Variants in BTG4 observed in about 807,000 individuals in gnomAD.
The protein encoded by BTG4 is protein BTG4.
A neutral mutation model predicts 19.3 loss-of-function variants in BTG4; 10 were observed. The observed-to-expected ratio is 0.52, with a 90% CI of 0.32 to 0.88. The LOEUF (loss-of-function observed/expected upper bound fraction) is 0.88. Ranked by LOEUF, BTG4 falls within the 40% of genes least tolerant of loss-of-function variation. The pLI is 0.04. For missense variants in BTG4, 238 were observed against 281.9 expected (o/e 0.84, Z 1.11); for synonymous variants, 91 against 95.7 (o/e 0.95, Z 0.29).
At chr11:111,435,797 C>T in the BTG4 span, among the ~76,000 whole-genome samples, 3 of 152,160 alleles carry the variant, frequency 2.0e-5, no homozygotes, top group Admixed American at 6.5e-5. Flanking sequence ...TGCAATCAAA[C>T]ACAACTCCAC....
intron 1 of BTG4, among the ~76,000 whole-genome samples, chr11:111,509,789 C>G (rs1866730164): frequency 6.6e-6 from 1 of 151,922 alleles, no homozygotes; most frequent in Non-Finnish European, 1.5e-5. Flanking sequence ...TCTAATTCTT[C>G]ATTTCTTCCT....
chr11:111,439,117 A>G, the BTG4 span, among the ~76,000 whole-genome samples: 3 of 152,216 alleles, frequency 2.0e-5, no homozygotes, highest in Non-Finnish European at 2.9e-5. Flanking sequence ...GGTGATTTGC[A>G]TATAATCACA....
At chr11:111,486,252 C>A (rs1337733737) in intron 5 of BTG4, among the ~76,000 whole-genome samples, 1 of 152,116 alleles carries the variant, frequency 6.6e-6, no homozygotes, top group East Asian at 1.9e-4. Context: ...GCCTGGGCAA[C>A]ATGGTGAAAC....
chr11:111,487,000 T>C (rs1025778271), intron 5 of BTG4, among the ~76,000 whole-genome samples: 5 of 150,654 alleles, frequency 3.3e-5, no homozygotes, highest in African/African-American at 1.2e-4. Flanking sequence ...CAGGCCCCAG[T>C]GTATGTTGTT....
chr11:111,388,132 C>T, the BTG4 span, among the ~76,000 whole-genome samples: 5 of 152,098 alleles, frequency 3.3e-5, no homozygotes. Flanking sequence ...TATGAAAAAC[C>T]TGATATATTT....
At chr11:111,448,736 C>T in the BTG4 span, 1 of 151,428 alleles carries the variant, frequency 6.6e-6, no homozygotes, top group East Asian at 1.9e-4. Context: ...TCAAGTCAAA[C>T]TCGGCTCAGG....
At chr11:111,510,803 A>G (rs1218845828) in intron 1 of BTG4, among the ~76,000 whole-genome samples, 1 of 152,240 alleles carries the variant, frequency 6.6e-6, no homozygotes, top group Non-Finnish European at 1.5e-5. Flanking sequence ...TTTGAAGAAA[A>G]GTCTGTAGAA....
chr11:111,434,483 A>C, the BTG4 span, among the ~76,000 whole-genome samples: 18 of 152,172 alleles, frequency 1.2e-4, no homozygotes, highest in Non-Finnish European at 2.6e-4. Context: ...CCAACATGGC[A>C]CATGTATACC....
the BTG4 span, among the ~76,000 whole-genome samples, chr11:111,395,571 G>A: frequency 6.6e-6 from 1 of 152,248 alleles, no homozygotes. Context: ...TTATGAAAAG[G>A]CTGTTCAAAT....
the BTG4 span, chr11:111,455,000 G>A: frequency 3.5e-5 from 16 of 456,366 alleles, no homozygotes; most frequent in Admixed American, 7.0e-5. Context: ...GGTGAAGCCC[G>A]TTCTCTCCAG....
rs1156590393 is a variant in BTG4 at position 111,470,793 on chromosome 11, C to T, written c.663-3112G>A. ...AATAAATTAGCCGGGCATGGTGGCA[C>T]ATACCTGTAGTCCCAGCTATTCAGG... On this transcript the variant is annotated intron_variant, in intron 5 of 5. Transcript: ENST00000356018. Among the ~76,000 whole-genome samples the T allele has an allele frequency of 2.0e-5, 3 of 151,952 alleles. No individual in the cohort carries two copies. In the East Asian group the frequency reaches 5.8e-4, roughly 29 times the overall value.
At chr11:111,495,493 C>T (rs1011143826) in intron 4 of BTG4, among the ~76,000 whole-genome samples, 179 bp from the exon 5 acceptor site, 2 of 152,154 alleles carry the variant, frequency 1.3e-5, no homozygotes, top group African/African-American at 2.4e-5. Context: ...TCACTTTATA[C>T]TGTACCTTTT....
the BTG4 span, among the ~76,000 whole-genome samples, chr11:111,414,051 C>A: frequency 6.6e-6 from 1 of 152,168 alleles, no homozygotes; most frequent in Non-Finnish European, 1.5e-5. Flanking sequence ...TAGGAGCAAA[C>A]TGAGAGTGAA....
In BTG4 at chr11:111,481,705, T is replaced by C. The variant is rs139736486; in HGVS notation, c.662+13458A>G. Among the ~76,000 whole-genome samples the C allele has an allele frequency of 4.9e-3, 739 of 151,898 alleles. 9 individuals carry two copies. The highest frequency in any genetic ancestry group is 0.017 in the African/African-American group (710 of 41,518). On this transcript the variant is annotated intron_variant, in intron 5 of 5. Coordinates refer to the BTG4 transcript ENST00000356018. The stretch of plus-strand genomic sequence containing the variant: ...AAAATCATAGTAATCCACATGTCAA[T>C]AGGCTAAAGAAGAAAAATTATATGA...
the BTG4 span, among the ~76,000 whole-genome samples, chr11:111,400,005 C>T: frequency 2.0e-5 from 3 of 152,022 alleles, no homozygotes; most frequent in Admixed American, 6.5e-5. Flanking sequence ...TGGAGAAAGC[C>T]GGGATGGGTG....
the BTG4 span, among the ~76,000 whole-genome samples, chr11:111,400,221 T>C: frequency 6.6e-6 from 1 of 152,188 alleles, no homozygotes; most frequent in Admixed American, 6.5e-5. Context: ...AGCAAATGAT[T>C]GTGCCAAGAC....
At chr11:111,451,363 C>A in the BTG4 span, 1 of 449,766 alleles carries the variant, frequency 2.2e-6, no homozygotes, top group Non-Finnish European at 4.5e-6. Flanking sequence ...TTCCAAAAGC[C>A]GGGCATTTAT....
Position 111,495,096 on chromosome 11 carries a change from T to A in BTG4, c.*39A>T. On this transcript the variant is annotated 3_prime_UTR_variant, in exon 5 of 5. Coordinates refer to ENST00000692032, the MANE Select transcript of BTG4 (RefSeq NM_001367975.1). The stretch of plus-strand genomic sequence containing the variant: ...TTTATTTTAGAGAGAATAAAGGCAC[T>A]CCTCTGAGCTCTTGCCCACCACGTG... The A allele has an allele frequency of 6.8e-7, 1 of 1,473,442 alleles. No individual in the cohort carries two copies. The highest frequency in any genetic ancestry group is 9.0e-7 in the Non-Finnish European group (1 of 1,114,666). 91.3% of individuals were successfully genotyped at this position (1,473,442 alleles called of 1,614,324 possible). A position where few individuals can be genotyped will look rare whatever the true frequency, so the allele number is the denominator to read the frequency against.
the BTG4 span, among the ~76,000 whole-genome samples, chr11:111,447,440 G>A: frequency 0.12 from 18,326 of 152,212 alleles, 1,371 homozygotes; most frequent in Admixed American, 0.17. Flanking sequence ...CAGAAGCCTC[G>A]GGTTTTATTT....
Sources: allele counts gnomAD v4.1 joint callset (sites outside exome capture counted in the v4.1 genomes callset), GRCh38; gene constraint gnomAD v4.1.1; transcripts MANE v1.5; gene names NCBI Gene and HGNC (gene_info 2026-07-23, HGNC 2026-07-21).